EMC1: variants seen among roughly 807,000 people sequenced by gnomAD.
The protein encoded by EMC1 is KIAA0090.
A neutral mutation model predicts 128.8 loss-of-function variants in EMC1; 103 were observed. That is an observed-to-expected ratio of 0.80 (90% confidence interval 0.68 to 0.94). EMC1 has a LOEUF of 0.94. EMC1 is among the 40% of genes least tolerant of loss of function. EMC1 has a pLI of 0.00. For synonymous variants in EMC1, 442 were observed against 490.4 expected (o/e 0.90, Z 1.30); for missense variants, 1,083 against 1,250.6 (o/e 0.87, Z 2.02).
intron 4 of EMC1, among the ~76,000 whole-genome samples, chr1:19,243,104 A>G (rs931539109): frequency 6.6e-6 from 1 of 152,104 alleles, no homozygotes; most frequent in African/African-American, 2.4e-5. Context: ...GGCGTGGTTC[A>G]CATGCCTATA....
At chr1:19,251,338 G>A in intron 1 of EMC1, 77 bp downstream of exon 1, 5 of 1,353,344 alleles carry the variant, frequency 3.7e-6, no homozygotes, top group Non-Finnish European at 5.3e-6. Flanking sequence ...CCTGTTAAGT[G>A]ACAACCTTTA....
chr1:19,226,144 G>A (rs1330316674), intron 18 of EMC1, among the ~76,000 whole-genome samples: 6 of 152,174 alleles, frequency 3.9e-5, no homozygotes, highest in African/African-American at 9.7e-5. Flanking sequence ...GTACCAGAGG[G>A]TGTAATTAAT....
chr1:19,232,583 G>A, intron 15 of EMC1, 41 bp downstream of exon 15: 2 of 1,611,418 alleles, frequency 1.2e-6, no homozygotes, highest in Non-Finnish European at 1.7e-6. Flanking sequence ...TAGCAAAAAA[G>A]CCACACTGAG....
chr1:19,234,488 T>G (rs777827742), intron 13 of EMC1, among the ~76,000 whole-genome samples: 9 of 152,084 alleles, frequency 5.9e-5, no homozygotes, highest in Non-Finnish European at 1.0e-4. Flanking sequence ...TTAGGGACAA[T>G]GAGTATAAGG....
In EMC1 at chr1:19,245,033, G is replaced by A; in HGVS notation, c.96-3C>T. 2 of 1,611,012 alleles carry A rather than the reference G, an allele frequency of 1.2e-6. No individual in the cohort carries two copies. Among genetic ancestry groups the A allele is most frequent in the Non-Finnish European group, 1.7e-6 (2 of 1,178,894 alleles). On this transcript the variant is annotated splice_polypyrimidine_tract_variant and splice_region_variant and intron_variant, in intron 1 of 22. Transcript: ENST00000477853. ...CCTTCCCAACATATTGCTGTCTCCT[G>A]AGAAAAAAAGAGTACAGGGGACCAT...
Position 19,238,131 on chromosome 1 carries a change from CAG to C in EMC1, c.1096_1097del (p.Leu366GlyfsTer10), listed in dbSNP as rs1424417218. 2 of 1,613,526 alleles carry C rather than the reference CAG, an allele frequency of 1.2e-6. No homozygotes were observed. Among genetic ancestry groups the C allele is most frequent in the African/African-American group, 1.3e-5 (1 of 74,750 alleles). On this transcript the variant is annotated frameshift_variant, in exon 11 of 23. Coordinates refer to ENST00000477853, the MANE Select transcript of EMC1 (RefSeq NM_015047.3). LOFTEE classifies it high-confidence loss of function. The stretch of plus-strand genomic sequence containing the variant: ...TGGTGTAGGTCTGATTGAAGCAAGC[CAG>C]AGAGTCCTAGGAGTACAGACAGCAC... ...FSEKSSSKDS[L>X]ACFNQTYTIN...
At chr1:19,231,583 AG>A (rs2093522393) in intron 15 of EMC1, among the ~76,000 whole-genome samples, 161 bp from the exon 16 acceptor site, 1 of 152,292 alleles carries the variant, frequency 6.6e-6, no homozygotes, top group African/African-American at 2.4e-5. Flanking sequence ...ATAGTCCCCT[AG>A]GCTAACGTCA....
chr1:19,233,379 A>G (rs1043616632), intron 13 of EMC1, among the ~76,000 whole-genome samples: 3 of 152,204 alleles, frequency 2.0e-5, no homozygotes, highest in Admixed American at 6.5e-5. Context: ...GGAATCTTGG[A>G]ATAGGAGACT....
intron 5 of EMC1, among the ~76,000 whole-genome samples, chr1:19,241,662 C>T (rs546993480): frequency 3.4e-4 from 52 of 152,084 alleles, no homozygotes; most frequent in Non-Finnish European, 5.0e-4. Context: ...ATCACAAGCA[C>T]GCACCACCAT....
chr1:19,242,561 A>G, intron 4 of EMC1, 88 bp from the exon 5 acceptor site: 2 of 1,458,150 alleles, frequency 1.4e-6, no homozygotes, highest in South Asian at 2.5e-5. Flanking sequence ...ACTGTTGCTT[A>G]GTGGGTAAGA....
In EMC1 at chr1:19,242,487, C is replaced by T; in HGVS notation, c.381-14G>A. The T allele has an allele frequency of 6.2e-7, 1 of 1,613,952 alleles. No homozygotes were observed. Among genetic ancestry groups the T allele is most frequent in the South Asian group, 1.1e-5 (1 of 91,070 alleles). On this transcript the variant is annotated splice_polypyrimidine_tract_variant and intron_variant, in intron 4 of 22. Transcript: ENST00000477853. ...AGTGCCTGGAAACTGAACACAAGTA[C>T]AGGTTGAGAGCAGCCCACACCTGCA...
chr1:19,239,640 G>A, intron 8 of EMC1, 178 bp downstream of exon 8: 1 of 629,260 alleles, frequency 1.6e-6, no homozygotes, highest in Non-Finnish European at 2.8e-6. Flanking sequence ...TAATACTCAG[G>A]AGGAAATACA....
rs16862640 is a variant in EMC1 at position 19,240,463 on chromosome 1, G to A, written c.637-17C>T. On this transcript the variant is annotated splice_polypyrimidine_tract_variant and intron_variant, in intron 6 of 22. Transcript: ENST00000477853. ...AACCCTAACCTACAGAAAAGTCATCGTTAACAGGAAGCTCGTGAAAGATTT... is the reference window on the plus strand; with the variant it reads ...AACCCTAACCTACAGAAAAGTCATCATTAACAGGAAGCTCGTGAAAGATTT... 0.027 allele frequency: 42,908 copies of A among 1,613,080 alleles called. 707 individuals are homozygous for A. The highest frequency in any genetic ancestry group is 0.055 in the South Asian group (5,050 of 91,046).
chr1:19,243,941 T>C lies in EMC1; in HGVS notation c.286+9A>G. The stretch of plus-strand genomic sequence containing the variant: ...CCGCACAATGGAGACACGGGAGGAC[T>C]CTGCTTACCCTGTCCGTGCAGCAGC... On this transcript the variant is annotated intron_variant, in intron 3 of 22. Transcript: ENST00000477853. The C allele has an allele frequency of 2.5e-6, 4 of 1,613,898 alleles. No homozygotes were observed. Among genetic ancestry groups the C allele is most frequent in the Non-Finnish European group, 3.4e-6 (4 of 1,179,842 alleles).
At chr1:19,227,834 TCAAAA>T (rs1290208718) in intron 17 of EMC1, among the ~76,000 whole-genome samples, 3 of 150,632 alleles carry the variant, frequency 2.0e-5, no homozygotes, top group Non-Finnish European at 4.4e-5. Context: ...AGAGCAAGAC[TCAAAA>T]CAAAAAATAA....
intron 12 of EMC1, among the ~76,000 whole-genome samples, chr1:19,236,507 T>C (rs1429056755): frequency 7.1e-6 from 1 of 141,316 alleles, no homozygotes; most frequent in Non-Finnish European, 1.5e-5. Flanking sequence ...AAATACAAAA[T>C]TAGCCAGGCG....
At position 19,245,048 on chromosome 1, in the gene EMC1, C is replaced by T; in HGVS notation, c.96-18G>A. ...GCTGTCTCCTGAGAAAAAAAGAGTA[C>T]AGGGGACCATAAGGAGCTAAAATCA... On this transcript the variant is annotated intron_variant, in intron 1 of 22. Coordinates refer to ENST00000477853, the MANE Select transcript of EMC1 (RefSeq NM_015047.3). The T allele has an allele frequency of 1.9e-6, 3 of 1,613,024 alleles. No homozygotes were observed. The highest frequency in any genetic ancestry group is 2.5e-6 in the Non-Finnish European group (3 of 1,179,324).
intron 12 of EMC1, 34 bp from the exon 13 acceptor site, chr1:19,235,286 G>T: frequency 6.3e-7 from 1 of 1,597,992 alleles, no homozygotes. Context: ...CTAAGCCTGG[G>T]GCTGGGCACA....
intron 6 of EMC1, chr1:19,240,722 C>T (rs1274973609): frequency 1.7e-6 from 1 of 573,564 alleles, no homozygotes; most frequent in Non-Finnish European, 3.1e-6. Flanking sequence ...ATCAGCACTT[C>T]TTTACTATAT....
Sources: gnomAD v4.1 joint callset for allele counts (sites outside exome capture counted in the v4.1 genomes callset) on GRCh38, gnomAD v4.1.1 for gene constraint, MANE v1.5 for transcripts, NCBI Gene and HGNC (gene_info 2026-07-23, HGNC 2026-07-21) for gene names.